Variants in KIF1B observed in about 807,000 individuals in gnomAD.
KIF1B encodes the protein kinesin-like protein KIF1B.
In KIF1B, 76 loss-of-function variants were observed where a neutral mutation model predicts 241.9. The ratio of observed to expected loss-of-function variants is 0.31; its 90% CI spans 0.26 to 0.38. The LOEUF is 0.38. Ranked by LOEUF, KIF1B falls within the 10% of genes least tolerant of loss-of-function variation. The pLI, the probability that KIF1B is intolerant of heterozygous loss-of-function variation, is 1.00. For missense variants in KIF1B, 1,622 were observed against 2,271.4 expected, an observed-to-expected ratio of 0.71 and a Z score of 5.81; for synonymous variants, 750 against 796.7, an observed-to-expected ratio of 0.94 and a Z score of 0.99.
At chr1:10,313,789 A>G (rs949767927) in intron 22 of KIF1B, among the ~76,000 whole-genome samples, 1 of 151,278 alleles carries the variant, frequency 6.6e-6, no homozygotes, top group Non-Finnish European at 1.5e-5. Context: ...TGACCTCGTG[A>G]TCTGCCCACC....
intron 38 of KIF1B, among the ~76,000 whole-genome samples, chr1:10,354,448 T>C (rs1652906257): frequency 6.6e-6 from 1 of 152,212 alleles, no homozygotes; most frequent in South Asian, 2.1e-4. Context: ...TTAAATTTTT[T>C]ATCATTTATT....
intron 2 of KIF1B, among the ~76,000 whole-genome samples, chr1:10,242,677 C>T (rs913468769): frequency 6.6e-6 from 1 of 152,046 alleles, no homozygotes; most frequent in Non-Finnish European, 1.5e-5. Flanking sequence ...CCACCATGCC[C>T]AGCTAATTTT....
intron 2 of KIF1B, among the ~76,000 whole-genome samples, chr1:10,253,445 A>C (rs1647583296): frequency 6.6e-6 from 1 of 152,134 alleles, no homozygotes; most frequent in South Asian, 2.1e-4. Flanking sequence ...GTTTGAGACC[A>C]GCCTGGGCAA....
intron 27 of KIF1B, among the ~76,000 whole-genome samples, chr1:10,334,013 T>C (rs555983737): frequency 6.6e-6 from 1 of 151,688 alleles, no homozygotes; most frequent in Non-Finnish European, 1.5e-5. Context: ...TAGCTGGCTA[T>C]GGTGGCACGT....
At chr1:10,357,973 C>T (rs1354233393) in intron 38 of KIF1B, among the ~76,000 whole-genome samples, 2 of 151,926 alleles carry the variant, frequency 1.3e-5, no homozygotes, top group Non-Finnish European at 2.9e-5. Context: ...CGCACCATTG[C>T]ACTCCAGCCT....
intron 27 of KIF1B, among the ~76,000 whole-genome samples, chr1:10,327,501 CAAA>C (rs570948893): frequency 1.4e-5 from 1 of 73,886 alleles, no homozygotes. Flanking sequence ...AACTCCGTCT[CAAA>C]AAAAAAAAAA....
chr1:10,249,430 A>G (rs1272436488), intron 2 of KIF1B, among the ~76,000 whole-genome samples: 1 of 152,174 alleles, frequency 6.6e-6, no homozygotes, highest in Non-Finnish European at 1.5e-5. Flanking sequence ...ATGGAATTTA[A>G]TCAGAGTTGT....
intron 5 of KIF1B, among the ~76,000 whole-genome samples, chr1:10,267,020 TTTC>T (rs1231262526): frequency 2.7e-5 from 4 of 150,784 alleles, no homozygotes; most frequent in African/African-American, 7.5e-5. Flanking sequence ...TCTTTCTTTC[TTTC>T]TTTTTTTTTA....
chr1:10,321,663 TATAG>T (rs1272145892), intron 23 of KIF1B, 42 bp from the exon 24 acceptor site: 1 of 1,597,614 alleles, frequency 6.3e-7, no homozygotes, highest in Admixed American at 1.7e-5. Flanking sequence ...GTAATTTTTA[TATAG>T]TTGTAAGATT....
At chr1:10,213,033 G>A (rs1056327257) in intron 1 of KIF1B, among the ~76,000 whole-genome samples, 5 of 150,918 alleles carry the variant, frequency 3.3e-5, no homozygotes, top group South Asian at 2.1e-4. Context: ...AAAACTTGTT[G>A]AATCAAATGT....
At chr1:10,266,204 G>A (rs1388103871) in intron 5 of KIF1B, among the ~76,000 whole-genome samples, 3 of 152,148 alleles carry the variant, frequency 2.0e-5, no homozygotes, top group Non-Finnish European at 4.4e-5. Flanking sequence ...CAACTTGTTG[G>A]TTTGTTACTT....
intron 5 of KIF1B, among the ~76,000 whole-genome samples, chr1:10,265,886 CAGTT>C (rs1298619474): frequency 1.8e-4 from 27 of 152,106 alleles, no homozygotes; most frequent in African/African-American, 6.5e-4. Flanking sequence ...TATAAAAATA[CAGTT>C]AGAGACTGAA....
chr1:10,319,303 T>C (rs954449423), intron 22 of KIF1B, among the ~76,000 whole-genome samples: 2 of 152,154 alleles, frequency 1.3e-5, no homozygotes, highest in African/African-American at 4.8e-5. Context: ...GGTTTCTCCA[T>C]GTTGGTCAGG....
chr1:10,336,822 ACTG>A, intron 29 of KIF1B, 80 bp downstream of exon 29: 1 of 1,332,200 alleles, frequency 7.5e-7, no homozygotes, highest in South Asian at 1.2e-5. Flanking sequence ...CTCCTGTAAA[ACTG>A]AAAAATACAG....
rs552153070 is a variant in KIF1B, at chr1:10,263,276, A to G, written c.429+1306A>G. 6.8e-3 allele frequency among the ~76,000 whole-genome samples: 1,020 copies of G among 150,346 alleles called. 11 individuals are homozygous for G. Among genetic ancestry groups the G allele is most frequent in the Middle Eastern group, 0.037 (11 of 294 alleles). ...CCCAGCCTGGAGTCTGTCTCAAAAA[A>G]AAAATAATAATAATAAATAAATAAA... On this transcript the variant is annotated intron_variant, in intron 5 of 48. Transcript: ENST00000676179.
At chr1:10,211,508 T>G (rs1406198757) in intron 1 of KIF1B, 1 of 152,162 alleles carries the variant, frequency 6.6e-6, no homozygotes, top group East Asian at 1.9e-4. Flanking sequence ...GGGAGGATGA[T>G]CTGACAAATC....
In KIF1B at chr1:10,275,492, G is replaced by A; in HGVS notation, c.947G>A (p.Arg316Gln). 1 of 1,573,648 alleles carries A rather than the reference G, an allele frequency of 6.4e-7. No individual in the cohort carries two copies. The highest frequency in any genetic ancestry group is 8.7e-7 in the Non-Finnish European group (1 of 1,143,420). Residue 316 changes from arginine to glutamine, a missense_variant, in exon 11 of 49, where the codon CGA (arginine) becomes CAA (glutamine). Physicochemically the swap from Arg to Gln is conservative, Grantham distance 43. Transcript: ENST00000676179. Reference sequence around the variant, plus strand: ...GATTCTGTACTTACTTGGCTCCTTCGAGAAAATTTAGGTATGTTGACCACT... The same window carrying A: ...GATTCTGTACTTACTTGGCTCCTTCAAGAAAATTTAGGTATGTTGACCACT... Reference protein sequence around the residue: ...YRDSVLTWLLRENLGGNSRTA... With the variant: ...YRDSVLTWLLQENLGGNSRTA...
At chr1:10,272,377 T>C in intron 9 of KIF1B, 71 bp downstream of exon 9, 1 of 1,002,648 alleles carries the variant, frequency 1.0e-6, no homozygotes, top group South Asian at 1.3e-5. Flanking sequence ...ATTTTATTAT[T>C]GTTTATGAAG....
At chr1:10,297,935 T>C (rs1333969632) in intron 22 of KIF1B, among the ~76,000 whole-genome samples, 1 of 152,216 alleles carries the variant, frequency 6.6e-6, no homozygotes, top group East Asian at 1.9e-4. Flanking sequence ...GTCCCAGCTA[T>C]TGATACAATA....
Sources: allele counts gnomAD v4.1 joint callset (sites outside exome capture counted in the v4.1 genomes callset), GRCh38; gene constraint gnomAD v4.1.1; transcripts MANE v1.5; gene names NCBI Gene and HGNC (gene_info 2026-07-23, HGNC 2026-07-21).